Variants in TTC8 observed in about 807,000 individuals in gnomAD.
The protein encoded by TTC8 is tetratricopeptide repeat domain 8, also known as tetratricopeptide repeat protein 8.
Under a neutral mutation model 72.5 loss-of-function variants are expected in TTC8, and 47 were observed. The ratio of observed to expected loss-of-function variants is 0.65; its 90% CI spans 0.51 to 0.83. TTC8 has a LOEUF of 0.83. Ranked by LOEUF, TTC8 falls within the 40% of genes least tolerant of loss-of-function variation. TTC8 has a pLI of 0.00. For missense variants in TTC8, 611 were observed against 623.2 expected, an observed-to-expected ratio of 0.98 and a Z score of 0.21; for synonymous variants, 199 against 221.4, an observed-to-expected ratio of 0.90 and a Z score of 0.90.
chr14:88,877,660 C>G lies in TTC8; in HGVS notation c.*250C>G. On this transcript the variant is annotated 3_prime_UTR_variant, in exon 15 of 15. Coordinates refer to ENST00000380656, the MANE Select transcript of TTC8 (RefSeq NM_144596.4). ...CTAAATAGATCCTGAAACTGTCTCT[C>G]ACATTATATAGTAGATGTTTGTTTA... 1 of 317,888 alleles carries G rather than the reference C, an allele frequency of 3.1e-6. No individual in the cohort carries two copies. The highest frequency in any genetic ancestry group is 5.9e-6 in the Non-Finnish European group (1 of 170,890). 19.7% of individuals were successfully genotyped at this position (317,888 alleles called of 1,614,324 possible). A position where few individuals can be genotyped will look rare whatever the true frequency, so the allele number is the denominator to read the frequency against.
At chr14:88,844,026 C>A (rs767195707) in intron 7 of TTC8, among the ~76,000 whole-genome samples, 176 bp downstream of exon 7, 1 of 152,016 alleles carries the variant, frequency 6.6e-6, no homozygotes, top group Non-Finnish European at 1.5e-5. Context: ...TATAAATATA[C>A]AAGTGATAAG....
intron 11 of TTC8, among the ~76,000 whole-genome samples, chr14:88,870,750 A>G (rs2094930158): frequency 2.0e-5 from 3 of 152,162 alleles, no homozygotes; most frequent in African/African-American, 7.2e-5. Flanking sequence ...TTAAATTATG[A>G]TTTCCTCCTT....
intron 1 of TTC8, among the ~76,000 whole-genome samples, chr14:88,825,095 C>A (rs1424590687): frequency 6.6e-6 from 1 of 152,222 alleles, no homozygotes; most frequent in Non-Finnish European, 1.5e-5. Flanking sequence ...GAATGAGAGC[C>A]CTGAACTTTA....
intron 7 of TTC8, among the ~76,000 whole-genome samples, chr14:88,845,062 G>A (rs1026262887): frequency 6.6e-6 from 1 of 152,078 alleles, no homozygotes; most frequent in Admixed American, 6.6e-5. Flanking sequence ...TATTAGTAAA[G>A]ATCCATGAAA....
intron 1 of TTC8, among the ~76,000 whole-genome samples, chr14:88,826,380 C>G (rs1227199568): frequency 6.6e-6 from 1 of 151,934 alleles, no homozygotes; most frequent in Admixed American, 6.6e-5. Context: ...AATATTGACC[C>G]TTTACGTTGG....
At chr14:88,838,375 G>A (rs191066484) in intron 2 of TTC8, among the ~76,000 whole-genome samples, 15 of 152,242 alleles carry the variant, frequency 9.9e-5, no homozygotes, top group Admixed American at 7.2e-4. Flanking sequence ...AATGCATCTT[G>A]AGTTCTTTAC....
chr14:88,852,988 C>G lies in TTC8; in HGVS notation c.642C>G (p.Ala214=), dbSNP rs141305911. ...TTTCAAAGGCTTTGGATCTGGCTGC[C>G]CTCTCCACAGAACATTCTCAGTACA... ...NDVKTALDLA[A]LSTEHSQYKD... is the part of the protein sequence containing the mutation. The change falls in exon 8 of 15, where the codon GCC becomes GCG. Residue 214 remains alanine, a synonymous_variant. Coordinates refer to ENST00000380656, the MANE Select transcript of TTC8 (RefSeq NM_144596.4). 5.3e-5 allele frequency: 85 copies of G among 1,613,368 alleles called. No individual in the cohort carries two copies. The highest frequency in any genetic ancestry group is 6.5e-5 in the Non-Finnish European group (77 of 1,179,542).
chr14:88,840,545 T>G (rs1438065422), intron 3 of TTC8, among the ~76,000 whole-genome samples: 1 of 152,228 alleles, frequency 6.6e-6, no homozygotes, highest in Non-Finnish European at 1.5e-5. Context: ...ACCATTATTT[T>G]GAACTTTGGA....
At chr14:88,837,408 A>T (rs2094757885) in intron 2 of TTC8, among the ~76,000 whole-genome samples, 1 of 151,898 alleles carries the variant, frequency 6.6e-6, no homozygotes, top group African/African-American at 2.4e-5. Context: ...TTTGTTTTTC[A>T]TTTTTGTTAT....
At chr14:88,834,272 T>G (rs2094739689) in intron 2 of TTC8, among the ~76,000 whole-genome samples, 1 of 152,134 alleles carries the variant, frequency 6.6e-6, no homozygotes, top group Non-Finnish European at 1.5e-5. Context: ...CCTTGCTAAC[T>G]GGATAAAACA....
chr14:88,837,496 T>C (rs1291774451), intron 2 of TTC8, among the ~76,000 whole-genome samples: 1 of 152,176 alleles, frequency 6.6e-6, no homozygotes, highest in Non-Finnish European at 1.5e-5. Context: ...ATACTCAGGA[T>C]GTAGCATGCA....
intron 10 of TTC8, among the ~76,000 whole-genome samples, chr14:88,861,715 G>C (rs2094886536): frequency 6.6e-6 from 1 of 152,026 alleles, no homozygotes; most frequent in Non-Finnish European, 1.5e-5. Flanking sequence ...TTTAGCTACT[G>C]CATGAGTGAG....
intron 8 of TTC8, among the ~76,000 whole-genome samples, chr14:88,854,020 T>C (rs2094845327): frequency 6.6e-6 from 1 of 152,232 alleles, no homozygotes; most frequent in Admixed American, 6.5e-5. Flanking sequence ...AGCATGTTTA[T>C]TGTTCTGCCG....
chr14:88,839,894 T>A (rs1337710928), intron 3 of TTC8, among the ~76,000 whole-genome samples: 1 of 152,174 alleles, frequency 6.6e-6, no homozygotes, highest in East Asian at 1.9e-4. Flanking sequence ...ATGGGAAAAA[T>A]TTATAAAAGT....
At chr14:88,857,385 T>C (rs1595965784) in intron 9 of TTC8, 108 bp downstream of exon 9, 1 of 970,714 alleles carries the variant, frequency 1.0e-6, no homozygotes, top group East Asian at 2.4e-5. Context: ...TTTGGCAAGT[T>C]ACTATGTTTA....
At chr14:88,833,983 A>C (rs190889924) in intron 2 of TTC8, 2 of 499,022 alleles carry the variant, frequency 4.0e-6, no homozygotes, top group South Asian at 4.8e-5. Context: ...ACCAAGATGG[A>C]TTAGAAGGAT....
At chr14:88,836,021 T>C (rs2094749053) in intron 2 of TTC8, among the ~76,000 whole-genome samples, 1 of 152,180 alleles carries the variant, frequency 6.6e-6, no homozygotes, top group Non-Finnish European at 1.5e-5. Context: ...GGAAGATTAA[T>C]TTTCTCAAAC....
In TTC8 at chr14:88,839,543, T is replaced by C. The variant is rs1295208580; in HGVS notation, c.236T>C (p.Leu79Pro). The change falls in exon 3 of 15, where the codon CTG becomes CCG. Residue 79 changes from leucine to proline, a missense_variant. Transcript: ENST00000380656. Reference protein sequence around the residue: ...VDQEGIAEMMLDENAIAQVPR... With the variant: ...VDQEGIAEMMPDENAIAQVPR... ...CAGGAAGGAATTGCAGAAATGATGC[T>C]GGATGAAAATGCTATAGCTCAAGTT... is the stretch of plus-strand genomic sequence containing the variant. 6.2e-7 allele frequency: 1 copy of C among 1,613,142 alleles called. No homozygotes were observed. The highest frequency in any genetic ancestry group is 8.5e-7 in the Non-Finnish European group (1 of 1,179,478).
intron 1 of TTC8, among the ~76,000 whole-genome samples, chr14:88,828,983 T>G (rs2094714211): frequency 6.6e-6 from 1 of 152,194 alleles, no homozygotes; most frequent in East Asian, 1.9e-4. Context: ...TTCAGAGTAA[T>G]ACATTTTAAT....
Sources: gnomAD v4.1 joint callset for allele counts (sites outside exome capture counted in the v4.1 genomes callset) on GRCh38, gnomAD v4.1.1 for gene constraint, MANE v1.5 for transcripts, NCBI Gene and HGNC (gene_info 2026-07-23, HGNC 2026-07-21) for gene names.